APOL6: variants seen among roughly 807,000 people sequenced by gnomAD.
APOL6 encodes the protein apolipoprotein L6, also known as apolipoprotein L, 6.
APOL6 carries 1 observed loss-of-function variant against 2.4 expected under a neutral mutation model. The observed-to-expected ratio is 0.41, with a 90% CI of 0.15 to 1.94. The LOEUF is 1.94. Ranked by LOEUF, APOL6 falls within the 30% of genes most tolerant of loss-of-function variation. APOL6 has a pLI of 0.30. For synonymous variants in APOL6, 189 were observed against 169.3 expected (o/e 1.12, Z -0.90); for missense variants, 438 against 429.2 (o/e 1.02, Z -0.18).
Position 35,659,734 on chromosome 22 carries a change from G to A in APOL6, c.*138G>A, listed in dbSNP as rs1201605154. On this transcript the variant is annotated 3_prime_UTR_variant, in exon 3 of 3. Transcript: ENST00000409652. ...CTTCAATGCTCCTTAAGGCCTATGT[G>A]CTGGGAAAAGGGTCTTCCCTGTTTG... is the stretch of plus-strand genomic sequence containing the variant. The A allele has an allele frequency of 1.5e-6, 2 of 1,304,116 alleles. No homozygotes were observed. Among genetic ancestry groups the A allele is most frequent in the African/African-American group, 1.5e-5 (1 of 67,004 alleles). 80.8% of individuals were successfully genotyped at this position (1,304,116 alleles called of 1,614,324 possible).
rs930406951 is a variant in APOL6, at chr22:35,666,117, T to C, written c.*6521T>C. On this transcript the variant is annotated 3_prime_UTR_variant, in exon 3 of 3. Transcript: ENST00000409652. ...CTCCTATAATTCTAATATAACTTAGTGTACATTATCAGTAATAATCATAAT... is the reference window on the plus strand; with the variant it reads ...CTCCTATAATTCTAATATAACTTAGCGTACATTATCAGTAATAATCATAAT... 5 of 152,186 alleles carry C rather than the reference T, an allele frequency of 3.3e-5. No individual in the cohort carries two copies. Among genetic ancestry groups the C allele is most frequent in the Admixed American group, 1.3e-4 (2 of 15,276 alleles). 9.4% of individuals were successfully genotyped at this position (152,186 alleles called of 1,614,324 possible). A position where few individuals can be genotyped will look rare whatever the true frequency, so the allele number is the denominator to read the frequency against.
In APOL6 at chr22:35,663,031, G is replaced by C. The variant is rs1004629153; in HGVS notation, c.*3435G>C. ...GGAAGGCAGGTGATGTTTTTATGGA[G>C]TTTCAGCTTTCTTCCAATGCACTTA... On this transcript the variant is annotated 3_prime_UTR_variant, in exon 3 of 3. Transcript: ENST00000409652. 15 of 152,122 alleles carry C rather than the reference G, an allele frequency of 9.9e-5. No homozygotes were observed. The highest frequency in any genetic ancestry group is 8.5e-4 in the Admixed American group (13 of 15,280). 9.4% of individuals were successfully genotyped at this position (152,122 alleles called of 1,614,324 possible).
rs192850920 is a variant in APOL6 at position 35,659,121 on chromosome 22, G to C, written c.557G>C (p.Arg186Pro). 4 of 1,614,128 alleles carry C rather than the reference G, an allele frequency of 2.5e-6. No homozygotes were observed. Among genetic ancestry groups the C allele is most frequent in the African/African-American group, 1.3e-5 (1 of 75,038 alleles). The change falls in exon 3 of 3, where the codon CGT becomes CCT. Residue 186 changes from arginine (R) to proline (P), a missense_variant. Arg to Pro is a moderately radical substitution (Grantham distance 103). Coordinates refer to ENST00000409652, the MANE Select transcript of APOL6 (RefSeq NM_030641.4). ...TTGAAGTATGCCAAGAAAAACGTCC[G>C]TGCATTTTGGAAACTCAGAGCCAAC... ...NTLKYAKKNV[R>P]AFWKLRANPR...
In APOL6 at chr22:35,667,294, T is replaced by G. The variant is rs985588119; in HGVS notation, c.*7698T>G. The G allele has an allele frequency of 1.3e-5, 2 of 152,244 alleles. No homozygotes were observed. The highest frequency in any genetic ancestry group is 2.9e-5 in the Non-Finnish European group (2 of 68,052). The allele number at this position is 152,244 out of a possible 1,614,324, so 9.4% of individuals were successfully genotyped here. On this transcript the variant is annotated 3_prime_UTR_variant, in exon 3 of 3. Transcript: ENST00000409652. ...GCACAAATCCATGGCTGGGCATGGCTTTAAGAAAGTCTTATCTGAGATTCC... is the reference window on the plus strand; with the variant it reads ...GCACAAATCCATGGCTGGGCATGGCGTTAAGAAAGTCTTATCTGAGATTCC...
chr22:35,657,672 A>G (rs1924882000), intron 2 of APOL6, among the ~76,000 whole-genome samples: 1 of 152,170 alleles, frequency 6.6e-6, no homozygotes, highest in African/African-American at 2.4e-5. Flanking sequence ...TGAATCATAA[A>G]GGAGGTGGCC....
chr22:35,666,579 T>C lies in APOL6; in HGVS notation c.*6983T>C, dbSNP rs1925189222. ...TGTGAGCCACACACCTGGCCTATTT[T>C]GGTCCTCTTTAGAAGGTGGTTTTAT... On this transcript the variant is annotated 3_prime_UTR_variant, in exon 3 of 3. Coordinates refer to ENST00000409652, the MANE Select transcript of APOL6 (RefSeq NM_030641.4). The C allele has an allele frequency of 6.6e-6, 1 of 152,148 alleles. No individual in the cohort carries two copies. The highest frequency in any genetic ancestry group is 2.4e-5 in the African/African-American group (1 of 41,430). 9.4% of individuals were successfully genotyped at this position (152,148 alleles called of 1,614,324 possible). A position where few individuals can be genotyped will look rare whatever the true frequency, so the allele number is the denominator to read the frequency against.
chr22:35,664,794 G>T lies in APOL6; in HGVS notation c.*5198G>T, dbSNP rs1368925575. 6.6e-6 allele frequency: 1 copy of T among 151,702 alleles called. No homozygotes were observed. The allele number at this position is 151,702 out of a possible 1,614,324, so 9.4% of individuals were successfully genotyped here. A position where few individuals can be genotyped will look rare whatever the true frequency, so the allele number is the denominator to read the frequency against. ...GGAAAACATTGTTGCTTAAAAAAAAGTGTGTCCTTTTTTAAAAAAATGGTG... is the reference window on the plus strand; with the variant it reads ...GGAAAACATTGTTGCTTAAAAAAAATTGTGTCCTTTTTTAAAAAAATGGTG... On this transcript the variant is annotated 3_prime_UTR_variant, in exon 3 of 3. Transcript: ENST00000409652.
chr22:35,657,856 G>A (rs1189096228), intron 2 of APOL6, among the ~76,000 whole-genome samples: 1 of 152,192 alleles, frequency 6.6e-6, no homozygotes, highest in Non-Finnish European at 1.5e-5. Context: ...TGCCTTGAAG[G>A]TCAAAGCCAA....
In APOL6 at chr22:35,658,848, G is replaced by A; in HGVS notation, c.284G>A (p.Gly95Asp). ...ATCTCTGGAGTGATGAGCCTCCTGG[G>A]TTTAGCCCTTGCCCCAGCAACAGGA... The part of the protein sequence containing the change: ...AVISGVMSLL[G>D]LALAPATGGG... The change falls in exon 3 of 3, where the codon GGT becomes GAT. Residue 95 changes from glycine (G) to aspartate (D), a missense_variant. Coordinates refer to ENST00000409652, the MANE Select transcript of APOL6 (RefSeq NM_030641.4). The A allele has an allele frequency of 6.2e-7, 1 of 1,614,136 alleles. No homozygotes were observed. The highest frequency in any genetic ancestry group is 8.5e-7 in the Non-Finnish European group (1 of 1,180,022).
chr22:35,649,429 C>A (rs1163152080), intron 1 of APOL6, among the ~76,000 whole-genome samples: 1 of 147,968 alleles, frequency 6.8e-6, no homozygotes, highest in African/African-American at 2.5e-5. Context: ...CAGAGTGAGA[C>A]CCGGTCTCAA....
intron 1 of APOL6, among the ~76,000 whole-genome samples, chr22:35,654,599 C>G (rs1001325): frequency 1.3e-5 from 2 of 151,108 alleles, no homozygotes; most frequent in African/African-American, 4.9e-5. Context: ...TATATACACA[C>G]GTATATGTAA....
Position 35,662,216 on chromosome 22 carries a change from T to C in APOL6, c.*2620T>C, listed in dbSNP as rs1432470830. On this transcript the variant is annotated 3_prime_UTR_variant, in exon 3 of 3. Coordinates refer to ENST00000409652, the MANE Select transcript of APOL6 (RefSeq NM_030641.4). ...GGGTCAGAGATAGACCTTTGTTCTCTTATTTCTGAGGCCCTTCAGTCTCCT... is the reference window on the plus strand; with the variant it reads ...GGGTCAGAGATAGACCTTTGTTCTCCTATTTCTGAGGCCCTTCAGTCTCCT... 6.6e-6 allele frequency: 1 copy of C among 152,162 alleles called. No homozygotes were observed. Among genetic ancestry groups the C allele is most frequent in the East Asian group, 1.9e-4 (1 of 5,190 alleles). The allele number at this position is 152,162 out of a possible 1,614,324, so 9.4% of individuals were successfully genotyped here. A position where few individuals can be genotyped will look rare whatever the true frequency, so the allele number is the denominator to read the frequency against.
intron 1 of APOL6, among the ~76,000 whole-genome samples, chr22:35,650,680 A>G (rs1924663289): frequency 6.6e-6 from 1 of 152,194 alleles, no homozygotes; most frequent in Non-Finnish European, 1.5e-5. Context: ...CTGTAATCCC[A>G]GCACTTTGGG....
Position 35,659,248 on chromosome 22 carries a change from G to A in APOL6, c.684G>A (p.Ala228=), listed in dbSNP as rs752702500. Residue 228 remains alanine, a synonymous_variant, in exon 3 of 3, where the codon GCG becomes GCA. Transcript: ENST00000409652. The part of the protein sequence containing the change: ...VQKAFAGTTL[A]MTKNARVLGG... ...AGGCCTTTGCGGGAACAACACTGGC[G>A]ATGACCAAAAATGCTCGCGTGCTGG... 2.4e-5 allele frequency: 39 copies of A among 1,614,024 alleles called. No individual in the cohort carries two copies. The highest frequency in any genetic ancestry group is 2.0e-4 in the African/African-American group (15 of 74,912).
chr22:35,657,921 G>A (rs1924890112), intron 2 of APOL6, among the ~76,000 whole-genome samples: 1 of 152,178 alleles, frequency 6.6e-6, no homozygotes, highest in African/African-American at 2.4e-5. Context: ...GGAGGAAGAG[G>A]GGCCTAGGTC....
rs1222591080 is a variant in APOL6, at chr22:35,663,333, G to T, written c.*3737G>T. The stretch of plus-strand genomic sequence containing the variant: ...AATAGCAACACTTTGTCCTAGCTGA[G>T]ATTTGGTAATAAGATTTTTTTTTTA... On this transcript the variant is annotated 3_prime_UTR_variant, in exon 3 of 3. Coordinates refer to ENST00000409652, the MANE Select transcript of APOL6 (RefSeq NM_030641.4). 1 of 151,724 alleles carries T rather than the reference G, an allele frequency of 6.6e-6. No individual in the cohort carries two copies. The highest frequency in any genetic ancestry group is 2.4e-5 in the African/African-American group (1 of 41,138). The allele number at this position is 151,724 out of a possible 1,614,324, so 9.4% of individuals were successfully genotyped here.
At position 35,666,793 on chromosome 22, in the gene APOL6, G is replaced by A. The variant is rs1376022520; in HGVS notation, c.*7197G>A. On this transcript the variant is annotated 3_prime_UTR_variant, in exon 3 of 3. Coordinates refer to ENST00000409652, the MANE Select transcript of APOL6 (RefSeq NM_030641.4). Reference sequence around the variant, plus strand: ...TTTTGACTTTTTGCTTAAAATGTTTGCTGATCCTTTGTTTTGTGTTTCAGT... The same window carrying A: ...TTTTGACTTTTTGCTTAAAATGTTTACTGATCCTTTGTTTTGTGTTTCAGT... 6.6e-6 allele frequency: 1 copy of A among 152,144 alleles called. No individual in the cohort carries two copies. The highest frequency in any genetic ancestry group is 2.4e-5 in the African/African-American group (1 of 41,436). 9.4% of individuals were successfully genotyped at this position (152,144 alleles called of 1,614,324 possible). A position where few individuals can be genotyped will look rare whatever the true frequency, so the allele number is the denominator to read the frequency against.
chr22:35,657,744 T>C (rs1924884202), intron 2 of APOL6, among the ~76,000 whole-genome samples: 2 of 152,196 alleles, frequency 1.3e-5, no homozygotes, highest in South Asian at 4.1e-4. Flanking sequence ...GCATCTGTTA[T>C]CACCAGGCCT....
intron 1 of APOL6, among the ~76,000 whole-genome samples, chr22:35,649,769 G>T (rs546114178): frequency 6.6e-6 from 1 of 152,012 alleles, no homozygotes; most frequent in African/African-American, 2.4e-5. Context: ...ATTGGCGGAC[G>T]CTGGTAAAAA....
Sources: gnomAD v4.1 joint callset for allele counts (sites outside exome capture counted in the v4.1 genomes callset) on GRCh38, gnomAD v4.1.1 for gene constraint, MANE v1.5 for transcripts, NCBI Gene and HGNC (gene_info 2026-07-23, HGNC 2026-07-21) for gene names.